Variants in MAML2 observed in about 807,000 individuals in gnomAD.
The protein encoded by MAML2 is mastermind-like protein 2.
In MAML2, 22 loss-of-function variants were observed where a neutral mutation model predicts 96.1. The observed-to-expected ratio is 0.23, with a 90% CI of 0.16 to 0.33. The LOEUF (loss-of-function observed/expected upper bound fraction) is 0.33. MAML2 is among the 10% of genes least tolerant of loss of function. The probability of loss-of-function intolerance (pLI) is 1.00; values close to 1 mark genes in which losing one functional copy is unlikely to be tolerated. For synonymous variants in MAML2, 561 were observed against 521.3 expected (o/e 1.08, Z -1.04); for missense variants, 1,367 against 1,392.4 (o/e 0.98, Z 0.29).
chr11:96,329,719 C>T (rs888730456), intron 1 of MAML2, among the ~76,000 whole-genome samples: 3 of 152,144 alleles, frequency 2.0e-5, no homozygotes, highest in East Asian at 1.9e-4. Context: ...AGTATCACTA[C>T]GAATAAGTAT....
intron 1 of MAML2, among the ~76,000 whole-genome samples, chr11:96,147,615 G>A (rs934320009): frequency 1.3e-5 from 2 of 152,188 alleles, no homozygotes; most frequent in Non-Finnish European, 2.9e-5. Context: ...CCTTTTCCAC[G>A]TAGGTGAAGA....
chr11:96,013,881 C>T (rs1370756634), intron 2 of MAML2, among the ~76,000 whole-genome samples: 1 of 152,188 alleles, frequency 6.6e-6, no homozygotes, highest in Admixed American at 6.5e-5. Context: ...TTCCTGTACA[C>T]CAAGGCAGGA....
chr11:96,149,243 C>T (rs946786468), intron 1 of MAML2, among the ~76,000 whole-genome samples: 17 of 151,674 alleles, frequency 1.1e-4, no homozygotes, highest in African/African-American at 4.1e-4. Context: ...GAAACCCTGT[C>T]TCTACTAAAA....
chr11:96,129,116 T>C (rs1190936526), intron 1 of MAML2, among the ~76,000 whole-genome samples: 1 of 152,130 alleles, frequency 6.6e-6, no homozygotes, highest in Non-Finnish European at 1.5e-5. Flanking sequence ...TAATCATACA[T>C]GGAAAAAAGG....
At chr11:96,125,442 G>T (rs1218430535) in intron 1 of MAML2, among the ~76,000 whole-genome samples, 1 of 152,126 alleles carries the variant, frequency 6.6e-6, no homozygotes, top group East Asian at 1.9e-4. Flanking sequence ...CCGCTGGAAG[G>T]CTCTGACCCC....
chr11:96,235,305 T>G (rs1862353011), intron 1 of MAML2, among the ~76,000 whole-genome samples: 1 of 152,208 alleles, frequency 6.6e-6, no homozygotes, highest in African/African-American at 2.4e-5. Flanking sequence ...ACACACTCTT[T>G]TGTTTATGTA....
rs116892005 is a variant in MAML2, at chr11:96,072,037, C to T, written c.2139+19855G>A. Among the ~76,000 whole-genome samples, 743 of 152,130 alleles carry T rather than the reference C, an allele frequency of 4.9e-3. 7 individuals are homozygous for T. Among genetic ancestry groups the T allele is most frequent in the Middle Eastern group, 6.8e-3 (2 of 294 alleles). On this transcript the variant is annotated intron_variant, in intron 2 of 4. Transcript: ENST00000524717. ...GTATTTTTTTTAAAGTTAGGTGGGG[C>T]GTAAGATTTTACAGGATGTAGAAAT...
chr11:96,189,187 G>C (rs1224007090), intron 1 of MAML2, among the ~76,000 whole-genome samples: 1 of 151,944 alleles, frequency 6.6e-6, no homozygotes, highest in Admixed American at 6.6e-5. Flanking sequence ...CTTGAGGTAT[G>C]ATTTGATGAG....
At position 96,015,312 on chromosome 11, in the gene MAML2, G is replaced by A. The variant is rs190614220; in HGVS notation, c.2140-23589C>T. Among the ~76,000 whole-genome samples, 7 of 152,230 alleles carry A rather than the reference G, an allele frequency of 4.6e-5. No homozygotes were observed. The East Asian group carries it at 9.6e-4, about 21-fold the overall frequency. The stretch of plus-strand genomic sequence containing the variant: ...GCATTTGATATAGGAGTAATATGAC[G>A]TTGAATAAGTAGCTTCATTTTTCCA... On this transcript the variant is annotated intron_variant, in intron 2 of 4. Coordinates refer to ENST00000524717, the MANE Select transcript of MAML2 (RefSeq NM_032427.4).
intron 1 of MAML2, among the ~76,000 whole-genome samples, chr11:96,276,816 CAAAAAAAAA>C (rs67291067): frequency 1.3e-5 from 1 of 78,660 alleles, no homozygotes; most frequent in African/African-American, 4.7e-5. Context: ...TTCTCAGACC[CAAAAAAAAA>C]AAAAAAAAAA....
chr11:96,009,359 C>G (rs1858233130), intron 2 of MAML2, among the ~76,000 whole-genome samples: 1 of 152,148 alleles, frequency 6.6e-6, no homozygotes, highest in Non-Finnish European at 1.5e-5. Context: ...TTCAAACACC[C>G]TACTATTGCT....
chr11:96,056,054 A>G (rs1348997877), intron 2 of MAML2, among the ~76,000 whole-genome samples: 2 of 152,144 alleles, frequency 1.3e-5, no homozygotes, highest in Non-Finnish European at 2.9e-5. Context: ...AAATCAAAAG[A>G]CTTGTGTGAC....
intron 1 of MAML2, among the ~76,000 whole-genome samples, chr11:96,284,608 CTG>C (rs993257644): frequency 3.9e-5 from 6 of 152,176 alleles, no homozygotes; most frequent in African/African-American, 1.2e-4. Context: ...GCTAAAGTAA[CTG>C]TGACACCATT....
chr11:96,212,755 C>T (rs1348202400), intron 1 of MAML2, among the ~76,000 whole-genome samples: 1 of 152,126 alleles, frequency 6.6e-6, no homozygotes, highest in African/African-American at 2.4e-5. Flanking sequence ...AGTCCATAAA[C>T]AAGAAAAAGT....
intron 2 of MAML2, among the ~76,000 whole-genome samples, chr11:96,054,381 T>G (rs992398099): frequency 1.3e-5 from 2 of 150,454 alleles, no homozygotes; most frequent in Non-Finnish European, 3.0e-5. Flanking sequence ...TGAAACAACC[T>G]GTTCTGATAG....
chr11:96,204,633 A>G (rs568252479), intron 1 of MAML2, among the ~76,000 whole-genome samples: 15 of 152,356 alleles, frequency 9.8e-5, no homozygotes, highest in African/African-American at 3.6e-4. Flanking sequence ...AAGAGGTCTC[A>G]CCAAAGACTC....
rs60727839 is a variant in MAML2, at chr11:96,092,210, T to TTGCTGCTGC, written c.1812_1820dup (p.Gln619_Gln621dup). The TTGCTGCTGC allele has an allele frequency of 2.2e-4, 323 of 1,462,900 alleles. 3 individuals are homozygous for TTGCTGCTGC. Among genetic ancestry groups the TTGCTGCTGC allele is most frequent in the Non-Finnish European group, 2.8e-4 (300 of 1,074,998 alleles). The allele number at this position is 1,462,900 out of a possible 1,614,324, so 90.6% of individuals were successfully genotyped here. On this transcript the variant is annotated inframe_insertion, in exon 2 of 5. Coordinates refer to ENST00000524717, the MANE Select transcript of MAML2 (RefSeq NM_032427.4). This position sits in a 1 kb window ranked among gnomAD's most constrained non-coding sequence, Gnocchi z 4.1. ...GTTGCTGTTGCTGCTGCTGCTGCTGTTGCTGCTGCTGCTGCTGCTGCTGCT... is the reference window on the plus strand; with the variant it reads ...GTTGCTGTTGCTGCTGCTGCTGCTGTTGCTGCTGCTGCTGCTGCTGCTGCTGCTGCTGCT...
At chr11:96,087,596 T>A (rs923670674) in intron 2 of MAML2, among the ~76,000 whole-genome samples, 1 of 152,254 alleles carries the variant, frequency 6.6e-6, no homozygotes, top group Non-Finnish European at 1.5e-5. Flanking sequence ...CATGTCATTA[T>A]ATTTACCCTT....
chr11:96,295,937 A>AACACACACACACACAC (rs56231526), intron 1 of MAML2, among the ~76,000 whole-genome samples: 1 of 137,782 alleles, frequency 7.3e-6, no homozygotes, highest in Admixed American at 7.2e-5. Flanking sequence ...CAGAACAGTA[A>AACACACACACACACAC]ACACACACAC....
Sources: gnomAD v4.1 joint callset for allele counts (sites outside exome capture counted in the v4.1 genomes callset) on GRCh38, gnomAD v4.1.1 for gene constraint, Gnocchi (gnomAD v3.1) non-coding constraint, MANE v1.5 for transcripts, NCBI Gene and HGNC (gene_info 2026-07-23, HGNC 2026-07-21) for gene names.